XIRP2: variants seen among roughly 807,000 people sequenced by gnomAD.
The protein encoded by XIRP2 is xin actin-binding repeat-containing protein 2.
Under a neutral mutation model 277.0 loss-of-function variants are expected in XIRP2, and 236 were observed. That is an observed-to-expected ratio of 0.85 (90% confidence interval 0.77 to 0.95). The LOEUF (loss-of-function observed/expected upper bound fraction) is 0.95, where lower values mean the gene tolerates loss of function less well. XIRP2 is among the 40% of genes least tolerant of loss of function. XIRP2 has a pLI of 0.00. For missense variants in XIRP2, 4,640 were observed against 4,157.5 expected (o/e 1.12, Z -3.19); for synonymous variants, 1,490 against 1,416.5 (o/e 1.05, Z -1.17).
intron 2 of XIRP2, among the ~76,000 whole-genome samples, chr2:167,023,047 T>A (rs1193245055): frequency 6.6e-6 from 1 of 152,206 alleles, no homozygotes; most frequent in Non-Finnish European, 1.5e-5. Flanking sequence ...TCCACAATGG[T>A]TGAACTAGTT....
chr2:167,190,132 C>T lies in XIRP2; in HGVS notation c.563-20603C>T, dbSNP rs76498631. 3.5e-4 allele frequency among the ~76,000 whole-genome samples: 53 copies of T among 152,326 alleles called. 2 individuals carry two copies. The East Asian group carries it at 9.8e-3, about 28-fold the overall frequency. ...ACACAGCTTCCTTGCTTTCTTCTAA[C>T]GAGCTATCCCCAGCACTTGGATGTG... On this transcript the variant is annotated intron_variant, in intron 3 of 10. Coordinates refer to ENST00000409195, the MANE Select transcript of XIRP2 (RefSeq NM_152381.6).
chr2:167,171,754 G>T (rs73023916), intron 3 of XIRP2, among the ~76,000 whole-genome samples: 15,035 of 152,120 alleles, frequency 0.099, 798 homozygotes, highest in South Asian at 0.15. Context: ...ATGGATTTAA[G>T]AATCCTATGT....
intron 2 of XIRP2, among the ~76,000 whole-genome samples, chr2:166,934,786 G>A (rs1685445461): frequency 6.6e-6 from 1 of 152,054 alleles, no homozygotes; most frequent in African/African-American, 2.4e-5. Context: ...GCTGATGTGG[G>A]CAAATCACTT....
intron 3 of XIRP2, among the ~76,000 whole-genome samples, chr2:167,167,789 A>T (rs1030426618): frequency 5.3e-5 from 8 of 152,174 alleles, no homozygotes; most frequent in African/African-American, 1.7e-4. Flanking sequence ...AAGAATAAGA[A>T]AAATAAAGAT....
At chr2:166,920,294 G>T (rs554455485) in intron 2 of XIRP2, among the ~76,000 whole-genome samples, 1 of 152,038 alleles carries the variant, frequency 6.6e-6, no homozygotes, top group Non-Finnish European at 1.5e-5. Flanking sequence ...GTACACCATT[G>T]GTAAGTAATA....
chr2:167,149,639 CAT>C, intron 3 of XIRP2, among the ~76,000 whole-genome samples: 1 of 151,390 alleles, frequency 6.6e-6, no homozygotes, highest in Non-Finnish European at 1.5e-5. Context: ...TTAAAAGCTA[CAT>C]ATAAAAATCC....
At chr2:167,053,520 C>T (rs950639688) in intron 2 of XIRP2, among the ~76,000 whole-genome samples, 2 of 152,036 alleles carry the variant, frequency 1.3e-5, no homozygotes, top group South Asian at 4.1e-4. Flanking sequence ...CTGATTATGA[C>T]ATAAATGTCT....
At chr2:167,177,207 T>TA (rs2105353939) in intron 3 of XIRP2, among the ~76,000 whole-genome samples, 1 of 152,340 alleles carries the variant, frequency 6.6e-6, no homozygotes, top group Non-Finnish European at 1.5e-5. Context: ...AGTGATGTGC[T>TA]AAAGATGAAA....
At chr2:167,186,250 C>T (rs79704019) in intron 3 of XIRP2, among the ~76,000 whole-genome samples, 14,985 of 152,172 alleles carry the variant, frequency 0.098, 785 homozygotes, top group South Asian at 0.15. Context: ...AGAACACTAT[C>T]TCAGAAAGTT....
intron 2 of XIRP2, among the ~76,000 whole-genome samples, chr2:166,970,654 A>G (rs1279194412): frequency 1.3e-5 from 2 of 151,962 alleles, no homozygotes; most frequent in African/African-American, 4.8e-5. Context: ...TTGAGGATTC[A>G]TAGAAAACAC....
In XIRP2 at chr2:167,011,680, C is replaced by T. The variant is rs567954459; in HGVS notation, c.408+107790C>T. ...TCCTCCTTGTACCTCTGGTAGAATT[C>T]GGCTGTGAGTCCATCTGGTCCTGGA... On this transcript the variant is annotated intron_variant, in intron 2 of 10. Transcript: ENST00000409195. Among the ~76,000 whole-genome samples, 752 of 150,432 alleles carry T rather than the reference C, an allele frequency of 5.0e-3. 12 individuals are homozygous for T. The highest frequency in any genetic ancestry group is 0.033 in the South Asian group (154 of 4,680).
At chr2:166,892,070 A>G (rs1684119274) in intron 1 of XIRP2, among the ~76,000 whole-genome samples, 1 of 152,162 alleles carries the variant, frequency 6.6e-6, no homozygotes, top group Non-Finnish European at 1.5e-5. Flanking sequence ...GAAGGATGCT[A>G]GAATTATATT....
At chr2:167,079,364 G>T (rs1689668359) in intron 2 of XIRP2, among the ~76,000 whole-genome samples, 1 of 152,156 alleles carries the variant, frequency 6.6e-6, no homozygotes, top group Admixed American at 6.5e-5. Flanking sequence ...AGTTAGGGAG[G>T]AATCCCCCCG....
chr2:167,069,420 TC>T (rs1689383489), intron 2 of XIRP2, among the ~76,000 whole-genome samples: 1 of 152,152 alleles, frequency 6.6e-6, no homozygotes, highest in South Asian at 2.1e-4. Context: ...AGCATGACCC[TC>T]CAGCATTTTT....
Position 167,245,606 on chromosome 2 carries a change from A to C in XIRP2, c.4214A>C (p.Asn1405Thr). ...PLDQISEESH[N>T]IMPSIDHIQG... ...GATCAGATTTCTGAAGAATCACATA[A>C]TATTATGCCCAGTATTGACCATATA... The change falls in exon 9 of 11, where the codon AAT (asparagine) becomes ACT (threonine). Residue 1405 changes from asparagine (N) to threonine (T), a missense_variant. Physicochemically the swap from Asn to Thr is moderately conservative, Grantham distance 65 (BLOSUM62 0). Coordinates refer to ENST00000409195, the MANE Select transcript of XIRP2 (RefSeq NM_152381.6). 1.2e-6 allele frequency: 2 copies of C among 1,613,714 alleles called. No individual in the cohort carries two copies. Among genetic ancestry groups the C allele is most frequent in the Non-Finnish European group, 1.7e-6 (2 of 1,179,738 alleles).
At chr2:167,240,414 C>CAATA (rs887691966) in intron 6 of XIRP2, among the ~76,000 whole-genome samples, 3 of 151,950 alleles carry the variant, frequency 2.0e-5, no homozygotes, top group African/African-American at 7.3e-5. Flanking sequence ...GACTCCTTCT[C>CAATA]AATAAATAAA....
chr2:167,100,151 CAT>C (rs201666738), intron 2 of XIRP2, among the ~76,000 whole-genome samples: 1,877 of 149,930 alleles, frequency 0.013, 41 homozygotes, highest in African/African-American at 0.044. Context: ...CCCACTATAC[CAT>C]AGTCTAAAAA....
chr2:167,253,439 G>A (rs1334854950), intron 9 of XIRP2, among the ~76,000 whole-genome samples: 3 of 151,748 alleles, frequency 2.0e-5, no homozygotes, highest in Non-Finnish European at 4.4e-5. Flanking sequence ...CTGTGTTCAG[G>A]AGTCTCATTG....
chr2:167,084,701 T>A (rs902141559), intron 2 of XIRP2, among the ~76,000 whole-genome samples: 4 of 152,132 alleles, frequency 2.6e-5, no homozygotes, highest in African/African-American at 7.2e-5. Context: ...TTTATCCATT[T>A]CTGCTAGATT....
Sources: gnomAD v4.1 joint callset for allele counts (sites outside exome capture counted in the v4.1 genomes callset) on GRCh38, gnomAD v4.1.1 for gene constraint, MANE v1.5 for transcripts, NCBI Gene and HGNC (gene_info 2026-07-23, HGNC 2026-07-21) for gene names.